The following FGF12 variants were observed in gnomAD, a reference collection of about 807,000 sequenced individuals.
FGF12 encodes the protein fibroblast growth factor 12B.
Under a neutral mutation model 23.6 loss-of-function variants are expected in FGF12, and 14 were observed. The ratio of observed to expected loss-of-function variants is 0.59; its 90% CI spans 0.39 to 0.93. The LOEUF is 0.93. Among genes scored for constraint, FGF12 ranks in the 40% least tolerant of loss-of-function variants. FGF12 has a pLI of 0.00. For synonymous variants in FGF12, 62 were observed against 77.3 expected, an observed-to-expected ratio of 0.80 and a Z score of 1.04; for missense variants, 175 against 217.8, an observed-to-expected ratio of 0.80 and a Z score of 1.24.
intron 4 of FGF12, among the ~76,000 whole-genome samples, chr3:192,323,405 C>T (rs113471128): frequency 0.014 from 2,188 of 152,278 alleles, 42 homozygotes; most frequent in East Asian, 0.049. Context: ...ATCCTGTCAT[C>T]TGCAACAACA....
At chr3:192,520,100 G>A (rs1195493644) in intron 2 of FGF12, among the ~76,000 whole-genome samples, 1 of 152,174 alleles carries the variant, frequency 6.6e-6, no homozygotes, top group African/African-American at 2.4e-5. Flanking sequence ...TCTTACTGGG[G>A]TGTTATTGCT....
intron 2 of FGF12, among the ~76,000 whole-genome samples, chr3:192,440,624 G>A (rs1021885736): frequency 1.3e-5 from 2 of 152,196 alleles, no homozygotes; most frequent in Non-Finnish European, 2.9e-5. Flanking sequence ...TAGCTACAAG[G>A]ATATCAGGCG....
intron 2 of FGF12, among the ~76,000 whole-genome samples, chr3:192,574,502 A>G (rs1198976320): frequency 2.0e-5 from 3 of 152,192 alleles, no homozygotes; most frequent in African/African-American, 7.2e-5. Context: ...GCACTGCACA[A>G]TTGGATAGTT....
rs2108576220 is a variant in FGF12, at chr3:192,143,955, G to T, written c.*54C>A. 1 of 1,099,678 alleles carries T rather than the reference G, an allele frequency of 9.1e-7. No homozygotes were observed. The highest frequency in any genetic ancestry group is 1.4e-6 in the Non-Finnish European group (1 of 719,392). 68.1% of individuals were successfully genotyped at this position (1,099,678 alleles called of 1,614,324 possible). A position where few individuals can be genotyped will look rare whatever the true frequency, so the allele number is the denominator to read the frequency against. ...ATTTACTGGAAGGAAATGGGTAAATGGGAAGGAAGGGAAGGGGAAGGGATG... is the reference window on the plus strand; with the variant it reads ...ATTTACTGGAAGGAAATGGGTAAATTGGAAGGAAGGGAAGGGGAAGGGATG... On this transcript the variant is annotated 3_prime_UTR_variant, in exon 6 of 6. Transcript: ENST00000445105.
chr3:192,362,247 T>A (rs1830089), intron 2 of FGF12, among the ~76,000 whole-genome samples: 12,381 of 152,198 alleles, frequency 0.081, 541 homozygotes, highest in South Asian at 0.12. Context: ...CTCTTTTTTT[T>A]AAAATTATAC....
intron 2 of FGF12, among the ~76,000 whole-genome samples, chr3:192,582,610 G>A (rs1300554552): frequency 1.3e-5 from 2 of 151,702 alleles, no homozygotes; most frequent in Non-Finnish European, 2.9e-5. Context: ...GAATAGCTTT[G>A]AAACTAAGTA....
At chr3:192,405,647 A>C (rs1176128749) in intron 2 of FGF12, among the ~76,000 whole-genome samples, 1 of 142,030 alleles carries the variant, frequency 7.0e-6, no homozygotes, top group Non-Finnish European at 1.5e-5. Context: ...AAGTGATTAT[A>C]AAACAGATTC....
At chr3:192,310,822 A>G (rs914328875) in intron 4 of FGF12, among the ~76,000 whole-genome samples, 4 of 152,170 alleles carry the variant, frequency 2.6e-5, no homozygotes, top group African/African-American at 9.6e-5. Context: ...CTCTTCTTGC[A>G]TAGTAGTCTT....
In FGF12 at chr3:192,703,772, C is replaced by T. The variant is rs148318488; in HGVS notation, c.13+23409G>A. On this transcript the variant is annotated intron_variant, in intron 2 of 5. Transcript: ENST00000445105. The stretch of plus-strand genomic sequence containing the variant: ...TTGTAGGGACAGTTTTTCCTCCATG[C>T]TGTTCTCATTATAGTGAGAGAGTTC... Among the ~76,000 whole-genome samples the T allele has an allele frequency of 4.8e-3, 734 of 152,258 alleles. 2 individuals carry two copies. Among genetic ancestry groups the T allele is most frequent in the Middle Eastern group, 0.01 (3 of 294 alleles).
At chr3:192,639,415 T>C (rs1322332158) in intron 2 of FGF12, among the ~76,000 whole-genome samples, 1 of 152,150 alleles carries the variant, frequency 6.6e-6, no homozygotes, top group Non-Finnish European at 1.5e-5. Context: ...AAATTCAAAA[T>C]AGAATTACCA....
intron 2 of FGF12, among the ~76,000 whole-genome samples, chr3:192,507,183 T>C (rs1159176110): frequency 1.3e-5 from 2 of 152,136 alleles, no homozygotes; most frequent in Non-Finnish European, 2.9e-5. Flanking sequence ...TGAGCCACTG[T>C]GCCCGGCCAT....
intron 2 of FGF12, among the ~76,000 whole-genome samples, chr3:192,368,693 T>G (rs1326086407): frequency 6.6e-6 from 1 of 152,208 alleles, no homozygotes; most frequent in African/African-American, 2.4e-5. Flanking sequence ...CTTGCTCATT[T>G]AATCTGAACA....
intron 2 of FGF12, among the ~76,000 whole-genome samples, chr3:192,396,930 TC>T (rs2108766734): frequency 6.6e-6 from 1 of 152,272 alleles, no homozygotes; most frequent in South Asian, 2.1e-4. Flanking sequence ...CCAAGGAACC[TC>T]CATCTTCACC....
Position 192,296,231 on chromosome 3 carries a change from T to TA in FGF12, c.228+39129_228+39130insT, listed in dbSNP as rs571137189. Among the ~76,000 whole-genome samples the TA allele has an allele frequency of 5.5e-3, 827 of 150,760 alleles. 9 individuals carry two copies. Among genetic ancestry groups the TA allele is most frequent in the African/African-American group, 0.019 (785 of 41,192 alleles). On this transcript the variant is annotated intron_variant, in intron 4 of 5. Transcript: ENST00000445105. ...TACAATGTTTTCATTTTATTTTATT[T>TA]TTTTTTTTTTGAGACAGGGTCTCAC...
chr3:192,410,421 A>G (rs1721161748), intron 2 of FGF12, among the ~76,000 whole-genome samples: 1 of 152,180 alleles, frequency 6.6e-6, no homozygotes, highest in Non-Finnish European at 1.5e-5. Flanking sequence ...CCCTCCCACA[A>G]GAGAAACACA....
chr3:192,623,276 A>G (rs2108649454), intron 2 of FGF12, among the ~76,000 whole-genome samples: 1 of 152,340 alleles, frequency 6.6e-6, no homozygotes, highest in South Asian at 2.1e-4. Flanking sequence ...TTCTGATGAG[A>G]CAACAGAAAG....
intron 4 of FGF12, among the ~76,000 whole-genome samples, chr3:192,208,612 C>T (rs898051425): frequency 5.3e-5 from 8 of 151,986 alleles, no homozygotes; most frequent in African/African-American, 1.9e-4. Context: ...AGATATTTCA[C>T]GAGAATACAT....
chr3:192,645,057 G>A (rs1018573230), intron 2 of FGF12, among the ~76,000 whole-genome samples: 6 of 152,112 alleles, frequency 3.9e-5, no homozygotes, highest in African/African-American at 1.2e-4. Flanking sequence ...AGCATATTTC[G>A]GGGAATAAAA....
intron 2 of FGF12, among the ~76,000 whole-genome samples, chr3:192,556,416 G>A (rs1325764387): frequency 1.3e-5 from 2 of 152,080 alleles, no homozygotes; most frequent in African/African-American, 4.8e-5. Flanking sequence ...ACTGTTATAA[G>A]AGACAAAGAA....
Sources: allele counts gnomAD v4.1 joint callset (sites outside exome capture counted in the v4.1 genomes callset), GRCh38; gene constraint gnomAD v4.1.1; transcripts MANE v1.5; gene names NCBI Gene and HGNC (gene_info 2026-07-23, HGNC 2026-07-21).